Variants in CDC42BPA observed in about 807,000 individuals in gnomAD.
CDC42BPA encodes CDC42 binding protein kinase alpha.
A neutral mutation model predicts 223.5 loss-of-function variants in CDC42BPA; 80 were observed. That is an observed-to-expected ratio of 0.36 (90% CI 0.30 to 0.43). The LOEUF is 0.43. CDC42BPA is among the 20% of genes least tolerant of loss of function. CDC42BPA has a pLI of 1.00. For missense variants in CDC42BPA, 1,743 were observed against 2,099.9 expected (o/e 0.83, Z 3.32); for synonymous variants, 694 against 718.6 (o/e 0.97, Z 0.55).
chr1:227,284,442 A>C (rs965231851), intron 1 of CDC42BPA, among the ~76,000 whole-genome samples: 10 of 152,174 alleles, frequency 6.6e-5, no homozygotes, highest in Admixed American at 6.5e-4. Flanking sequence ...GTAAGTCCGT[A>C]AGCTTTAAAT....
chr1:227,142,356 C>T (rs1442169596), intron 9 of CDC42BPA, among the ~76,000 whole-genome samples: 1 of 152,122 alleles, frequency 6.6e-6, no homozygotes, highest in Non-Finnish European at 1.5e-5. Flanking sequence ...TCCTGCTTGA[C>T]ATCTAGAGAA....
chr1:227,053,785 A>G (rs1156798510), intron 21 of CDC42BPA, among the ~76,000 whole-genome samples: 2 of 152,260 alleles, frequency 1.3e-5, no homozygotes, highest in Admixed American at 6.5e-5. Context: ...GGCCCAGTTT[A>G]CAATTTTATT....
At chr1:227,265,316 C>T (rs1403407316) in intron 1 of CDC42BPA, 3 of 442,464 alleles carry the variant, frequency 6.8e-6, no homozygotes, top group African/African-American at 6.0e-5. Flanking sequence ...CCTACCTGTA[C>T]AGGTACCTAT....
intron 1 of CDC42BPA, among the ~76,000 whole-genome samples, chr1:227,262,370 T>TAA (rs547859585): frequency 4.0e-5 from 6 of 148,554 alleles, no homozygotes; most frequent in African/African-American, 1.5e-4. Context: ...TACTCAAACT[T>TAA]AAAAAAAAAA....
chr1:227,276,683 T>C (rs1687126250), intron 1 of CDC42BPA, among the ~76,000 whole-genome samples: 2 of 152,240 alleles, frequency 1.3e-5, no homozygotes, highest in South Asian at 4.1e-4. Flanking sequence ...TTGCTGTGTC[T>C]GTGTAGAAAG....
At chr1:227,159,649 T>A (rs1572046070) in intron 6 of CDC42BPA, among the ~76,000 whole-genome samples, 1 of 149,036 alleles carries the variant, frequency 6.7e-6, no homozygotes, top group African/African-American at 2.5e-5. Context: ...AAAATGAAGT[T>A]AAAAAAAAAA....
chr1:227,078,213 T>C (rs901026882), intron 17 of CDC42BPA, among the ~76,000 whole-genome samples: 1 of 152,170 alleles, frequency 6.6e-6, no homozygotes, highest in African/African-American at 2.4e-5. Context: ...GTTTAACTGA[T>C]TATTCCCACC....
chr1:227,101,360 AT>A (rs896652143), intron 14 of CDC42BPA, 121 bp from the exon 15 acceptor site: 3 of 558,492 alleles, frequency 5.4e-6, no homozygotes, highest in Non-Finnish European at 8.7e-6. Context: ...CCTAACAAAA[AT>A]AAAATTCTAT....
chr1:227,261,124 C>CTTTCTTTCTTTTTTTTTTTTTTT (rs386417862), intron 1 of CDC42BPA, among the ~76,000 whole-genome samples: 7 of 121,002 alleles, frequency 5.8e-5, no homozygotes, highest in South Asian at 2.8e-4. Context: ...TTGAGTTTTT[C>CTTTCTTTCTTTTTTTTTTTTTTT]TTTTTTTTTG....
rs537716496 is a variant in CDC42BPA at position 227,258,037 on chromosome 1, C to T, written c.179-3882G>A. 3.3e-4 allele frequency among the ~76,000 whole-genome samples: 49 copies of T among 150,086 alleles called. 1 individual carries two copies. Among genetic ancestry groups the T allele is most frequent in the Non-Finnish European group, 5.9e-4 (40 of 67,906 alleles). Reference sequence around the variant, plus strand: ...TACAAATATAAAAATCGGCCAGACACGGTGGCTTGTGCCTGCAGTCCCAGC... The same window carrying T: ...TACAAATATAAAAATCGGCCAGACATGGTGGCTTGTGCCTGCAGTCCCAGC... On this transcript the variant is annotated intron_variant, in intron 1 of 36. Coordinates refer to ENST00000366766, the MANE Select transcript of CDC42BPA (RefSeq NM_001394014.1).
chr1:227,050,978 T>C (rs1673424122), intron 22 of CDC42BPA, among the ~76,000 whole-genome samples: 1 of 152,206 alleles, frequency 6.6e-6, no homozygotes, highest in African/African-American at 2.4e-5. Flanking sequence ...TGAAATATTT[T>C]ATCATTAAAA....
intron 10 of CDC42BPA, among the ~76,000 whole-genome samples, chr1:227,131,778 T>G (rs1225746792): frequency 6.6e-6 from 1 of 152,222 alleles, no homozygotes; most frequent in Non-Finnish European, 1.5e-5. Context: ...TGAAACCATT[T>G]ACTTCTGACT....
chr1:227,151,431 C>T (rs972976842), intron 6 of CDC42BPA, among the ~76,000 whole-genome samples: 1 of 152,142 alleles, frequency 6.6e-6, no homozygotes, highest in African/African-American at 2.4e-5. Context: ...AACAATGCTG[C>T]TCTAAAAATG....
intron 1 of CDC42BPA, among the ~76,000 whole-genome samples, chr1:227,263,383 A>G (rs1365190795): frequency 2.0e-5 from 3 of 152,200 alleles, no homozygotes; most frequent in African/African-American, 4.8e-5. Context: ...TATTTCAGCC[A>G]AGGTTCTCTT....
intron 31 of CDC42BPA, among the ~76,000 whole-genome samples, chr1:227,024,153 A>G (rs1021987959): frequency 4.6e-5 from 7 of 152,234 alleles, no homozygotes; most frequent in Admixed American, 3.3e-4. Flanking sequence ...TCCAATAGCA[A>G]AATGAGCAAA....
intron 23 of CDC42BPA, among the ~76,000 whole-genome samples, chr1:227,044,474 TA>T (rs1411468462): frequency 6.6e-6 from 1 of 152,202 alleles, no homozygotes; most frequent in Non-Finnish European, 1.5e-5. Flanking sequence ...GTTGAAAAAG[TA>T]AAATGGTATT....
At chr1:227,063,709 G>T (rs922184294) in intron 21 of CDC42BPA, among the ~76,000 whole-genome samples, 1 of 152,098 alleles carries the variant, frequency 6.6e-6, no homozygotes, top group African/African-American at 2.4e-5. Flanking sequence ...AAAGAAGCTA[G>T]GTCTGATTTT....
At chr1:227,024,990 T>C (rs56100227) in intron 31 of CDC42BPA, among the ~76,000 whole-genome samples, 33,594 of 152,118 alleles carry the variant, frequency 0.22, 4,036 homozygotes, top group African/African-American at 0.28. Context: ...TGCCTGTAAT[T>C]CCAGCACCGT....
intron 21 of CDC42BPA, among the ~76,000 whole-genome samples, chr1:227,056,049 C>A (rs998978112): frequency 2.0e-5 from 3 of 151,994 alleles, no homozygotes; most frequent in African/African-American, 7.2e-5. Flanking sequence ...TTAAAAAGGT[C>A]CCCCCGCCGC....
Sources: gnomAD v4.1 joint callset for allele counts (sites outside exome capture counted in the v4.1 genomes callset) on GRCh38, gnomAD v4.1.1 for gene constraint, MANE v1.5 for transcripts, NCBI Gene and HGNC (gene_info 2026-07-23, HGNC 2026-07-21) for gene names.